The following PDZRN4 variants were observed in gnomAD, a reference collection of about 807,000 sequenced individuals.
PDZRN4 encodes PDZ domain containing ring finger 4, also known as PDZ domain-containing RING finger protein 4.
A neutral mutation model predicts 99.0 loss-of-function variants in PDZRN4; 70 were observed. The ratio of observed to expected loss-of-function variants is 0.71; its 90% CI spans 0.58 to 0.86. PDZRN4 has a LOEUF of 0.86. Ranked by LOEUF, PDZRN4 falls within the 40% of genes least tolerant of loss-of-function variation. The pLI is 0.00. For missense variants in PDZRN4, 1,474 were observed against 1,331.2 expected, an observed-to-expected ratio of 1.11 and a Z score of -1.67; for synonymous variants, 551 against 501.6, an observed-to-expected ratio of 1.10 and a Z score of -1.32.
In PDZRN4 at chr12:41,188,782, C is replaced by T. The variant is rs1950711918; in HGVS notation, c.327C>T (p.Ala109=). The change falls in exon 1 of 10, where the codon GCC becomes GCT. Residue 109 remains alanine (A), a synonymous_variant. Transcript: ENST00000402685. The part of the protein sequence containing the change: ...AHVEHCDFGP[A]RRLRSRGGCA... The stretch of plus-strand genomic sequence containing the variant: ...TCGAGCACTGCGACTTCGGCCCTGC[C>T]CGCCGGCTCCGCAGCCGCGGGGGCT... 5.8e-6 allele frequency: 8 copies of T among 1,378,950 alleles called. No individual in the cohort carries two copies. The highest frequency in any genetic ancestry group is 7.4e-6 in the Non-Finnish European group (8 of 1,073,934). 85.4% of individuals were successfully genotyped at this position (1,378,950 alleles called of 1,614,324 possible). A position where few individuals can be genotyped will look rare whatever the true frequency, so the allele number is the denominator to read the frequency against.
At chr12:41,198,890 C>G (rs1950796277) in intron 3 of PDZRN4, among the ~76,000 whole-genome samples, 1 of 152,078 alleles carries the variant, frequency 6.6e-6, no homozygotes, top group Non-Finnish European at 1.5e-5. Flanking sequence ...CGCCAGACTA[C>G]CAACTACACT....
intron 3 of PDZRN4, among the ~76,000 whole-genome samples, chr12:41,333,602 G>A (rs1175954599): frequency 2.0e-5 from 3 of 152,066 alleles, no homozygotes; most frequent in African/African-American, 7.2e-5. Flanking sequence ...CCTTCATTCT[G>A]CCTTCACTCC....
At chr12:41,336,628 G>A (rs904922400) in intron 3 of PDZRN4, among the ~76,000 whole-genome samples, 7 of 152,084 alleles carry the variant, frequency 4.6e-5, no homozygotes, top group Non-Finnish European at 4.4e-5. Flanking sequence ...AGTAATTCAC[G>A]CAGAGTGGGC....
At chr12:41,348,442 A>G (rs1951869270) in intron 3 of PDZRN4, among the ~76,000 whole-genome samples, 2 of 152,268 alleles carry the variant, frequency 1.3e-5, no homozygotes, top group South Asian at 4.1e-4. Context: ...GGTTGAATTA[A>G]GGCAGTGGCA....
intron 5 of PDZRN4, among the ~76,000 whole-genome samples, chr12:41,520,843 G>A (rs1938482885): frequency 6.6e-6 from 1 of 152,088 alleles, no homozygotes; most frequent in Non-Finnish European, 1.5e-5. Context: ...TACGCCTGTA[G>A]TCATCATAAA....
In PDZRN4 at chr12:41,469,988, A is replaced by G. The variant is rs148968803; in HGVS notation, c.844-36468A>G. 5.0e-3 allele frequency among the ~76,000 whole-genome samples: 765 copies of G among 152,294 alleles called. 11 individuals are homozygous for G. The highest frequency in any genetic ancestry group is 0.018 in the African/African-American group (728 of 41,570). On this transcript the variant is annotated intron_variant, in intron 3 of 9. Coordinates refer to ENST00000402685, the MANE Select transcript of PDZRN4 (RefSeq NM_001164595.2). Reference sequence around the variant, plus strand: ...ATAAATGCTTCATAAAATTGTCTGTAAAATAAGTATAAAGAGCTCAGAGTG... The same window carrying G: ...ATAAATGCTTCATAAAATTGTCTGTGAAATAAGTATAAAGAGCTCAGAGTG...
chr12:41,278,949 A>G (rs889677868), intron 3 of PDZRN4, among the ~76,000 whole-genome samples: 1 of 152,198 alleles, frequency 6.6e-6, no homozygotes, highest in Non-Finnish European at 1.5e-5. Flanking sequence ...GCCTTCAGCT[A>G]AAACAGAAAG....
At chr12:41,555,986 C>A (rs546104027) in intron 7 of PDZRN4, among the ~76,000 whole-genome samples, 1 of 152,196 alleles carries the variant, frequency 6.6e-6, no homozygotes, top group Non-Finnish European at 1.5e-5. Flanking sequence ...TCTCTGGAGT[C>A]AAATTTGACT....
At chr12:41,493,085 C>T (rs1028954746) in intron 3 of PDZRN4, among the ~76,000 whole-genome samples, 2 of 152,106 alleles carry the variant, frequency 1.3e-5, no homozygotes, top group Admixed American at 1.3e-4. Flanking sequence ...ATTTTCAGCC[C>T]GATGATTCTT....
chr12:41,486,441 C>T (rs1388468081), intron 3 of PDZRN4, among the ~76,000 whole-genome samples: 1 of 152,062 alleles, frequency 6.6e-6, no homozygotes, highest in African/African-American at 2.4e-5. Flanking sequence ...TAATAATGCC[C>T]AACATAAGGG....
chr12:41,492,991 T>C (rs1937919550), intron 3 of PDZRN4, among the ~76,000 whole-genome samples: 1 of 152,210 alleles, frequency 6.6e-6, no homozygotes, highest in Non-Finnish European at 1.5e-5. Context: ...AGGAAAATAG[T>C]TTATTAATTA....
At chr12:41,389,570 G>A (rs1013777316) in intron 3 of PDZRN4, among the ~76,000 whole-genome samples, 2 of 152,138 alleles carry the variant, frequency 1.3e-5, no homozygotes, top group Non-Finnish European at 2.9e-5. Context: ...ATGAGATTTA[G>A]AGATTATCTA....
At chr12:41,446,805 AC>A in intron 3 of PDZRN4, among the ~76,000 whole-genome samples, 1 of 148,390 alleles carries the variant, frequency 6.7e-6, no homozygotes, top group Non-Finnish European at 1.5e-5. Flanking sequence ...GAACAGCCAG[AC>A]AGTGGATATT....
At chr12:41,508,392 G>A (rs1311799296) in intron 4 of PDZRN4, among the ~76,000 whole-genome samples, 2 of 152,048 alleles carry the variant, frequency 1.3e-5, no homozygotes, top group Non-Finnish European at 2.9e-5. Context: ...CTTAATTATT[G>A]CACTGTATTA....
chr12:41,538,675 T>C (rs967882848), intron 5 of PDZRN4, among the ~76,000 whole-genome samples: 3 of 152,118 alleles, frequency 2.0e-5, no homozygotes, highest in Admixed American at 6.5e-5. Flanking sequence ...ATTAAACATT[T>C]TTAATAAATA....
At chr12:41,437,573 C>T (rs941029435) in intron 3 of PDZRN4, 1 of 247,776 alleles carries the variant, frequency 4.0e-6, no homozygotes, top group African/African-American at 2.2e-5. Context: ...CTGTCATCAG[C>T]AGCAGCTATG....
chr12:41,554,249 A>G (rs1171679987), intron 6 of PDZRN4, among the ~76,000 whole-genome samples: 3 of 152,178 alleles, frequency 2.0e-5, no homozygotes, highest in African/African-American at 7.2e-5. Context: ...TCTAAAGATG[A>G]GGCTTTAGAT....
intron 3 of PDZRN4, among the ~76,000 whole-genome samples, chr12:41,285,118 G>C (rs1951414119): frequency 6.6e-6 from 1 of 151,890 alleles, no homozygotes; most frequent in South Asian, 2.1e-4. Context: ...CTGACAAAGG[G>C]CTAATATCCA....
At chr12:41,229,811 A>G (rs1157568745) in intron 3 of PDZRN4, among the ~76,000 whole-genome samples, 4 of 152,162 alleles carry the variant, frequency 2.6e-5, no homozygotes, top group Middle Eastern at 3.4e-3. Flanking sequence ...GGTGAGGTCA[A>G]TGACATTCTC....
Sources: gnomAD v4.1 joint callset for allele counts (sites outside exome capture counted in the v4.1 genomes callset) on GRCh38, gnomAD v4.1.1 for gene constraint, MANE v1.5 for transcripts, NCBI Gene and HGNC (gene_info 2026-07-23, HGNC 2026-07-21) for gene names.